CCDC68: variants seen among roughly 807,000 people sequenced by gnomAD.
CCDC68 encodes coiled-coil domain containing 68.
A neutral mutation model predicts 47.1 loss-of-function variants in CCDC68; 45 were observed. The ratio of observed to expected loss-of-function variants is 0.96; its 90% CI spans 0.75 to 1.23. The LOEUF (loss-of-function observed/expected upper bound fraction) is 1.23. CCDC68 is among the 50% of genes most tolerant of loss of function. The pLI is 0.00. For missense variants in CCDC68, 353 were observed against 373.6 expected (o/e 0.94, Z 0.45); for synonymous variants, 131 against 129.5 (o/e 1.01, Z -0.08).
chr18:54,947,689 C>G (rs993565558), intron 1 of CCDC68, among the ~76,000 whole-genome samples: 1 of 152,108 alleles, frequency 6.6e-6, no homozygotes, highest in African/African-American at 2.4e-5. Flanking sequence ...ATTTGTCAAA[C>G]AAGTACATAA....
At chr18:54,935,288 C>G (rs1324454184) in intron 6 of CCDC68, among the ~76,000 whole-genome samples, 1 of 152,086 alleles carries the variant, frequency 6.6e-6, no homozygotes, top group African/African-American at 2.4e-5. Context: ...CAAAAAAAAC[C>G]TTACATGTTC....
At chr18:54,923,141 T>C (rs1187707996) in intron 8 of CCDC68, among the ~76,000 whole-genome samples, 1 of 152,076 alleles carries the variant, frequency 6.6e-6, no homozygotes, top group Non-Finnish European at 1.5e-5. Flanking sequence ...ACCCACTTAA[T>C]GGTCAGACTC....
chr18:54,909,274 T>TG (rs1354183424), intron 10 of CCDC68, among the ~76,000 whole-genome samples: 1 of 152,112 alleles, frequency 6.6e-6, no homozygotes, highest in Admixed American at 6.6e-5. Context: ...AAAAGGTAGC[T>TG]GGGGGGAACG....
rs1491296062 is a variant in CCDC68 at position 54,920,884 on chromosome 18, CAT to C, written c.684-1510_684-1509del. 3.9e-5 allele frequency among the ~76,000 whole-genome samples: 6 copies of C among 152,324 alleles called. No homozygotes were observed. In the East Asian group the frequency reaches 9.6e-4, roughly 24 times the overall value. ...AAAACCGATCATTCTACCAAAAAGA[CAT>C]GTGTACTCTTATGTCCATCACAGCA... On this transcript the variant is annotated intron_variant, in intron 8 of 11. Transcript: ENST00000591504.
chr18:54,949,201 G>A (rs1017097586), intron 1 of CCDC68, among the ~76,000 whole-genome samples: 5 of 152,126 alleles, frequency 3.3e-5, no homozygotes, highest in African/African-American at 1.2e-4. Context: ...TCGCCATGTT[G>A]GCCAGGCTGG....
rs1245600340 is a variant in CCDC68 at position 54,904,391 on chromosome 18, G to A, written c.975C>T (p.Ser325=). The A allele has an allele frequency of 6.2e-7, 1 of 1,613,288 alleles. No homozygotes were observed. Among genetic ancestry groups the A allele is most frequent in the African/African-American group, 1.3e-5 (1 of 74,994 alleles). ...STSELKTEGV[S]PYLMLIRLRK ...GTAACCTAATCAACATTAAATAAGGGGAAACACCTTCGGTCTTCAATTCAC... is the reference window on the plus strand; with the variant it reads ...GTAACCTAATCAACATTAAATAAGGAGAAACACCTTCGGTCTTCAATTCAC... The change falls in exon 12 of 12, where the codon TCC becomes TCT. Residue 325 remains serine, a synonymous_variant. Transcript: ENST00000591504.
intron 10 of CCDC68, among the ~76,000 whole-genome samples, chr18:54,911,811 G>A (rs1407622823): frequency 6.6e-6 from 1 of 152,140 alleles, no homozygotes; most frequent in African/African-American, 2.4e-5. Flanking sequence ...CCAGTTTCTC[G>A]ACCAATTCAG....
intron 4 of CCDC68, among the ~76,000 whole-genome samples, chr18:54,940,669 G>A (rs1343829533): frequency 6.6e-6 from 1 of 152,188 alleles, no homozygotes; most frequent in Non-Finnish European, 1.5e-5. Flanking sequence ...AACTGTATGT[G>A]TCTATTCATG....
At chr18:54,908,841 C>CT (rs2145361134) in intron 10 of CCDC68, among the ~76,000 whole-genome samples, 1 of 152,194 alleles carries the variant, frequency 6.6e-6, no homozygotes, top group South Asian at 2.1e-4. Flanking sequence ...TCCCGAATAG[C>CT]TGGGACCACA....
At chr18:54,933,937 T>C (rs1002453372) in intron 7 of CCDC68, among the ~76,000 whole-genome samples, 3 of 152,220 alleles carry the variant, frequency 2.0e-5, no homozygotes, top group Non-Finnish European at 4.4e-5. Context: ...AACCTGAATA[T>C]TGAAATGTGA....
chr18:54,924,968 G>T (rs2044121728), intron 8 of CCDC68, among the ~76,000 whole-genome samples: 1 of 152,146 alleles, frequency 6.6e-6, no homozygotes, highest in African/African-American at 2.4e-5. Context: ...GTAAGCCTTT[G>T]TGTTTATTAC....
intron 1 of CCDC68, among the ~76,000 whole-genome samples, chr18:54,953,531 C>T (rs867459609): frequency 0.011 from 1,062 of 94,396 alleles, 10 homozygotes; most frequent in Non-Finnish European, 0.017. Context: ...CACACACACA[C>T]ACACACACAT....
intron 1 of CCDC68, among the ~76,000 whole-genome samples, chr18:54,947,334 G>T (rs778372429): frequency 6.6e-6 from 1 of 152,202 alleles, no homozygotes; most frequent in Admixed American, 6.5e-5. Context: ...GGAGGCAGAG[G>T]GCTGCTGAAT....
chr18:54,904,548 G>C (rs945614934), intron 11 of CCDC68, 133 bp from the exon 12 acceptor site: 6 of 685,326 alleles, frequency 8.8e-6, no homozygotes, highest in Non-Finnish European at 1.5e-5. Context: ...TAAGAGATGT[G>C]TTAATAGATG....
At chr18:54,936,239 AT>A (rs1339134376) in intron 6 of CCDC68, among the ~76,000 whole-genome samples, 1 of 140,740 alleles carries the variant, frequency 7.1e-6, no homozygotes, top group African/African-American at 2.6e-5. Context: ...TTTTTAAAAA[AT>A]ATATAGTTAT....
chr18:54,950,788 G>GTGTATATATATATATATATATATATATA (rs994670303), intron 1 of CCDC68, among the ~76,000 whole-genome samples: 22 of 97,334 alleles, frequency 2.3e-4, no homozygotes, highest in African/African-American at 6.6e-4. Context: ...TATCTTCAGT[G>GTGTATATATATATATATATATATATATA]TATATATATA....
chr18:54,941,197 A>G, intron 3 of CCDC68, 114 bp from the exon 4 acceptor site: 2 of 646,822 alleles, frequency 3.1e-6, no homozygotes, highest in Non-Finnish European at 5.4e-6. Flanking sequence ...ATATATACAT[A>G]TATTGATCTC....
intron 1 of CCDC68, among the ~76,000 whole-genome samples, chr18:54,950,788 G>GTGTATATATATATATATATATATATA (rs994670303): frequency 1.0e-4 from 10 of 97,300 alleles, no homozygotes; most frequent in African/African-American, 3.5e-4. Context: ...TATCTTCAGT[G>GTGTATATATATATATATATATATATA]TATATATATA....
chr18:54,921,159 G>T (rs141025808), intron 8 of CCDC68, among the ~76,000 whole-genome samples: 1 of 152,058 alleles, frequency 6.6e-6, no homozygotes, highest in African/African-American at 2.4e-5. Flanking sequence ...AAACACAAAC[G>T]TAAAGAAGGA....
Sources: gnomAD v4.1 joint callset for allele counts (sites outside exome capture counted in the v4.1 genomes callset) on GRCh38, gnomAD v4.1.1 for gene constraint, MANE v1.5 for transcripts, NCBI Gene and HGNC (gene_info 2026-07-23, HGNC 2026-07-21) for gene names.